Variants in NRXN3 observed in about 807,000 individuals in gnomAD.
NRXN3 encodes neurexin 3, also known as neurexin III.
Under a neutral mutation model 137.6 loss-of-function variants are expected in NRXN3, and 32 were observed. That is an observed-to-expected ratio of 0.23 (90% CI 0.18 to 0.31). The LOEUF (loss-of-function observed/expected upper bound fraction) is 0.31, where lower values mean the gene tolerates loss of function less well. Ranked by LOEUF, NRXN3 falls within the 10% of genes least tolerant of loss-of-function variation. The probability of loss-of-function intolerance (pLI) is 1.00; values close to 1 mark genes in which losing one functional copy is unlikely to be tolerated. For missense variants in NRXN3, 1,574 were observed against 2,062.5 expected (o/e 0.76, Z 4.59); for synonymous variants, 798 against 784.5 (o/e 1.02, Z -0.29).
At chr14:78,833,517 C>A (rs943880345) in intron 10 of NRXN3, among the ~76,000 whole-genome samples, 1 of 152,120 alleles carries the variant, frequency 6.6e-6, no homozygotes, top group Admixed American at 6.5e-5. Flanking sequence ...TCAAATAATT[C>A]TTTACTTTGC....
At chr14:79,711,064 A>T (rs1322513387) in intron 19 of NRXN3, among the ~76,000 whole-genome samples, 1 of 152,356 alleles carries the variant, frequency 6.6e-6, no homozygotes, top group African/African-American at 2.4e-5. Context: ...CTATTCAAAA[A>T]AGACCAAATT....
chr14:79,648,538 C>T (rs2098461798), intron 16 of NRXN3, among the ~76,000 whole-genome samples: 1 of 135,624 alleles, frequency 7.4e-6, no homozygotes, highest in African/African-American at 2.5e-5. Context: ...TTTGTAAGTT[C>T]TGTATTACAC....
At chr14:79,699,091 G>C (rs2098745344) in intron 19 of NRXN3, among the ~76,000 whole-genome samples, 1 of 151,796 alleles carries the variant, frequency 6.6e-6, no homozygotes, top group Non-Finnish European at 1.5e-5. Context: ...GTGTCATAAG[G>C]GCAATTTTAT....
chr14:78,712,395 A>G (rs2098413325), intron 7 of NRXN3, among the ~76,000 whole-genome samples: 2 of 152,318 alleles, frequency 1.3e-5, no homozygotes, highest in South Asian at 2.1e-4. Flanking sequence ...TTGTTGTTAT[A>G]TAAGTGTTTG....
At chr14:78,264,000 A>C (rs926429826) in intron 2 of NRXN3, among the ~76,000 whole-genome samples, 2 of 151,308 alleles carry the variant, frequency 1.3e-5, no homozygotes, top group Non-Finnish European at 2.9e-5. Context: ...CCTACAACTA[A>C]CGTCAGTCCC....
Position 78,987,456 on chromosome 14 carries a change from C to T in NRXN3, c.3143-566C>T, listed in dbSNP as rs2099509229. ...AGAGCTCAGCAAGATAATGTAAATACATTGTTTAGTACCCAGTACTCGCCC... is the reference window on the plus strand; with the variant it reads ...AGAGCTCAGCAAGATAATGTAAATATATTGTTTAGTACCCAGTACTCGCCC... On this transcript the variant is annotated intron_variant, in intron 14 of 20. Coordinates refer to ENST00000335750, the MANE Select transcript of NRXN3 (RefSeq NM_001330195.2). Among the ~76,000 whole-genome samples the T allele has an allele frequency of 2.0e-5, 3 of 152,100 alleles. No homozygotes were observed. The South Asian group carries it at 6.2e-4, about 32-fold the overall frequency.
chr14:79,021,005 A>G (rs1234134132), intron 15 of NRXN3, among the ~76,000 whole-genome samples: 1 of 152,128 alleles, frequency 6.6e-6, no homozygotes, highest in African/African-American at 2.4e-5. Flanking sequence ...ATCTTTACAC[A>G]GTACTATTTA....
intron 15 of NRXN3, among the ~76,000 whole-genome samples, chr14:79,391,165 C>T (rs939815784): frequency 1.3e-5 from 2 of 151,308 alleles, no homozygotes. Context: ...GAATGGCCTA[C>T]ATTAAAAAAA....
chr14:78,727,270 G>A (rs2098489963), intron 8 of NRXN3, among the ~76,000 whole-genome samples: 1 of 152,160 alleles, frequency 6.6e-6, no homozygotes, highest in Non-Finnish European at 1.5e-5. Context: ...ACTTCACAGG[G>A]GTCTTTGTGA....
chr14:79,276,305 A>T (rs1021130249), intron 15 of NRXN3, among the ~76,000 whole-genome samples: 13 of 152,230 alleles, frequency 8.5e-5, no homozygotes, highest in African/African-American at 3.1e-4. Flanking sequence ...TAAGAAACAC[A>T]TGAAAAAATT....
chr14:78,723,705 A>T (rs1049041525), intron 8 of NRXN3, among the ~76,000 whole-genome samples: 1 of 152,240 alleles, frequency 6.6e-6, no homozygotes, highest in African/African-American at 2.4e-5. Flanking sequence ...ATGTGCTCAC[A>T]TAGATAACAA....
At chr14:78,949,735 T>G (rs1597787310) in intron 10 of NRXN3, among the ~76,000 whole-genome samples, 1 of 152,172 alleles carries the variant, frequency 6.6e-6, no homozygotes, top group South Asian at 2.1e-4. Flanking sequence ...GATAGAAAGG[T>G]TATAAAAGTA....
At chr14:78,553,942 A>G (rs548502582) in intron 4 of NRXN3, among the ~76,000 whole-genome samples, 16 of 152,310 alleles carry the variant, frequency 1.1e-4, no homozygotes, top group African/African-American at 3.6e-4. Context: ...TGGAAAGAAA[A>G]GGGAAAAGAC....
intron 8 of NRXN3, among the ~76,000 whole-genome samples, chr14:78,779,394 A>G (rs2098760341): frequency 1.3e-5 from 2 of 152,118 alleles, no homozygotes; most frequent in African/African-American, 4.8e-5. Context: ...AGCTACCAAG[A>G]AACTACAGCA....
intron 15 of NRXN3, among the ~76,000 whole-genome samples, chr14:79,160,491 C>A (rs1034273921): frequency 4.6e-5 from 7 of 152,080 alleles, no homozygotes; most frequent in African/African-American, 1.4e-4. Flanking sequence ...CATTCTCTCA[C>A]TCTGAAATCT....
intron 10 of NRXN3, among the ~76,000 whole-genome samples, chr14:78,839,551 G>A (rs1328039516): frequency 6.6e-6 from 1 of 152,146 alleles, no homozygotes; most frequent in Non-Finnish European, 1.5e-5. Flanking sequence ...AGTGAAGGAG[G>A]TGCAGATCCT....
intron 2 of NRXN3, among the ~76,000 whole-genome samples, chr14:78,250,789 C>A (rs532728305): frequency 1.3e-5 from 2 of 152,282 alleles, no homozygotes; most frequent in South Asian, 4.1e-4. Context: ...GGCATTTTAC[C>A]TCTGCTTCTG....
chr14:78,263,589 T>A (rs1375636697), intron 2 of NRXN3, among the ~76,000 whole-genome samples: 3 of 152,328 alleles, frequency 2.0e-5, no homozygotes, highest in South Asian at 4.1e-4. Context: ...CAATTCAGTT[T>A]TATCTTACTG....
chr14:79,763,061 C>T (rs141312754), intron 19 of NRXN3, among the ~76,000 whole-genome samples: 2 of 151,194 alleles, frequency 1.3e-5, no homozygotes, highest in Admixed American at 6.6e-5. Flanking sequence ...ATGTTCCCCC[C>T]TCCCTGTGTC....
Sources: allele counts gnomAD v4.1 joint callset (sites outside exome capture counted in the v4.1 genomes callset), GRCh38; gene constraint gnomAD v4.1.1; transcripts MANE v1.5; gene names NCBI Gene and HGNC (gene_info 2026-07-23, HGNC 2026-07-21).